ITFG2: variants seen among roughly 807,000 people sequenced by gnomAD.
ITFG2 encodes the protein integrin alpha FG-GAP repeat containing 2.
A neutral mutation model predicts 54.4 loss-of-function variants in ITFG2; 36 were observed. The ratio of observed to expected loss-of-function variants is 0.66; its 90% CI spans 0.51 to 0.87. ITFG2 has a LOEUF of 0.87. ITFG2 is among the 40% of genes least tolerant of loss of function. ITFG2 has a pLI of 0.00. For missense variants in ITFG2, 524 were observed against 576.7 expected (o/e 0.91, Z 0.94); for synonymous variants, 211 against 225.4 (o/e 0.94, Z 0.57).
intron 4 of ITFG2, chr12:2,818,515 A>G: frequency 1.5e-6 from 1 of 666,304 alleles, no homozygotes; most frequent in Non-Finnish European, 2.4e-6. Flanking sequence ...GAAACAATAT[A>G]GGCTAGGTGT....
At chr12:2,830,487 G>T in intron 2 of ITFG2, 2 of 494,030 alleles carry the variant, frequency 4.0e-6, no homozygotes, top group Non-Finnish European at 7.1e-6. Context: ...GACCAAGGAA[G>T]GGGGGCAGAG....
chr12:2,849,639 A>G, intron 2 of ITFG2: 2 of 1,228,526 alleles, frequency 1.6e-6, no homozygotes, highest in Non-Finnish European at 2.3e-6. Flanking sequence ...GTTAGCCATC[A>G]GGCGGCAGGG....
chr12:2,818,105 G>C lies in ITFG2; in HGVS notation c.235-1G>C, dbSNP rs2097928133. The C allele has an allele frequency of 6.2e-7, 1 of 1,613,950 alleles. No individual in the cohort carries two copies. The highest frequency in any genetic ancestry group is 8.5e-7 in the Non-Finnish European group (1 of 1,179,866). ...CTCTACTATACCTCTGTTTGTCCTA[G>C]AACCTGTTGGTGGCAGTGAGTGCTG... On this transcript the variant is annotated splice_acceptor_variant, in intron 3 of 11. Coordinates refer to ENST00000228799, the MANE Select transcript of ITFG2 (RefSeq NM_018463.4). LOFTEE classifies it high-confidence loss of function.
In ITFG2 at chr12:2,858,836, G is replaced by A. The variant is rs144897055; in HGVS notation, n.620+505G>A. On this transcript the variant is annotated intron_variant and non_coding_transcript_variant, in intron 3 of 3. Transcript: ENST00000537710. ...GCTCCGGGGAGCCTGGCTTGGGGACGTCTATATCTGAGGGAGAAGAGTTGC... is the reference window on the plus strand; with the variant it reads ...GCTCCGGGGAGCCTGGCTTGGGGACATCTATATCTGAGGGAGAAGAGTTGC... 378 of 1,614,172 alleles carry A rather than the reference G, an allele frequency of 2.3e-4. 2 individuals carry two copies. The highest frequency in any genetic ancestry group is 1.3e-3 in the South Asian group (119 of 91,084).
rs1049109887 is a variant in ITFG2 at position 2,819,912 on chromosome 12, A to C, written c.407-174A>C. The C allele has an allele frequency of 1.3e-5, 9 of 685,758 alleles. No individual in the cohort carries two copies. The Admixed American group carries it at 2.1e-4, about 16-fold the overall frequency. 42.5% of individuals were successfully genotyped at this position (685,758 alleles called of 1,614,324 possible). Reference sequence around the variant, plus strand: ...TAGGAGCTGCGGAACAGATGGACCAAATGGACGGGCAAGATGCCGCAAACA... The same window carrying C: ...TAGGAGCTGCGGAACAGATGGACCACATGGACGGGCAAGATGCCGCAAACA... On this transcript the variant is annotated intron_variant, in intron 4 of 11. Coordinates refer to ENST00000228799, the MANE Select transcript of ITFG2 (RefSeq NM_018463.4).
At chr12:2,828,529 G>C (rs892789276), downstream of ITFG2, 1 of 841,268 alleles carries the variant, frequency 1.2e-6, no homozygotes, top group Admixed American at 2.5e-5. Context: ...TGGAGAAAAT[G>C]AACTGTCTTT....
At chr12:2,833,874 G>A (rs73242879), upstream of ITFG2, among the ~76,000 whole-genome samples, 4,608 of 152,272 alleles carry the variant, frequency 0.03, 210 homozygotes, top group African/African-American at 0.1. Context: ...GCACAGAGAC[G>A]TAAAGTCAAT....
chr12:2,848,529 G>A (rs141462898), intron 2 of ITFG2, among the ~76,000 whole-genome samples: 5 of 152,210 alleles, frequency 3.3e-5, no homozygotes, highest in African/African-American at 4.8e-5. Context: ...TGGAGAGGCC[G>A]CTCTTTTACC....
chr12:2,821,697 C>T lies in ITFG2; in HGVS notation c.853C>T (p.Leu285=), dbSNP rs1308226603. Residue 285 remains leucine (L), a synonymous_variant, in exon 9 of 12, where the codon CTG becomes TTG. Coordinates refer to ENST00000228799, the MANE Select transcript of ITFG2 (RefSeq NM_018463.4). Reference sequence around the variant, plus strand: ...GCCTGCCTCTCCCCCGGCAGGGACACTGAAGCTCATGGAAGAAATGGAAGA... The same window carrying T: ...GCCTGCCTCTCCCCCGGCAGGGACATTGAAGCTCATGGAAGAAATGGAAGA... ...LFALCTLDGT[L]KLMEEMEEAD... is the part of the protein sequence containing the mutation. The T allele has an allele frequency of 1.2e-6, 2 of 1,614,132 alleles. No homozygotes were observed. Among genetic ancestry groups the T allele is most frequent in the Admixed American group, 1.7e-5 (1 of 60,022 alleles).
chr12:2,840,679 G>A (rs990394658), intron 1 of ITFG2, among the ~76,000 whole-genome samples: 20 of 152,108 alleles, frequency 1.3e-4, no homozygotes, highest in African/African-American at 4.6e-4. Context: ...CCAGCTACTC[G>A]GGAGGCTGAG....
chr12:2,829,693 G>A (rs527322539), downstream of ITFG2, among the ~76,000 whole-genome samples: 1 of 152,150 alleles, frequency 6.6e-6, no homozygotes, highest in African/African-American at 2.4e-5. Context: ...CTTGAGTCCA[G>A]GAGGTTGAGG....
chr12:2,834,564 G>T, upstream of ITFG2: 4 of 1,510,456 alleles, frequency 2.6e-6, no homozygotes, highest in African/African-American at 2.8e-5. Flanking sequence ...GCACTTTCTG[G>T]TCCTGCCTCC....
chr12:2,857,400 A>C (rs1478089782), intron 2 of ITFG2: 1 of 292,994 alleles, frequency 3.4e-6, no homozygotes, highest in African/African-American at 2.1e-5. Context: ...TTGTCTTATT[A>C]AGAACCCTCA....
intron 2 of ITFG2, chr12:2,849,354 G>T (rs534698503): frequency 1.3e-6 from 2 of 1,536,162 alleles, no homozygotes; most frequent in Admixed American, 2.0e-5. Flanking sequence ...CCCTTATGAG[G>T]TCCTGGCTCA....
At chr12:2,848,197 AAAG>A (rs959634871) in intron 2 of ITFG2, among the ~76,000 whole-genome samples, 3 of 152,190 alleles carry the variant, frequency 2.0e-5, no homozygotes, top group African/African-American at 7.2e-5. Flanking sequence ...AAATGGAGAC[AAAG>A]AAGGCCGTGG....
At chr12:2,828,439 T>C, downstream of ITFG2, 1 of 1,579,736 alleles carries the variant, frequency 6.3e-7, no homozygotes, top group Non-Finnish European at 8.7e-7. Context: ...TCGTGGTGAA[T>C]CAGTGAGTCC....
At chr12:2,853,165 G>A (rs1323075406) in intron 2 of ITFG2, among the ~76,000 whole-genome samples, 1 of 152,148 alleles carries the variant, frequency 6.6e-6, no homozygotes, top group Non-Finnish European at 1.5e-5. Context: ...CCTTTGCCAG[G>A]GTCAGCACCT....
chr12:2,816,330 C>CTTTT (rs34665036), intron 1 of ITFG2, among the ~76,000 whole-genome samples: 1 of 120,452 alleles, frequency 8.3e-6, no homozygotes, highest in Non-Finnish European at 1.7e-5. Context: ...CGCACACAGC[C>CTTTT]TTTTTTTTTT....
intron 1 of ITFG2, among the ~76,000 whole-genome samples, chr12:2,837,388 G>A (rs2098030992): frequency 6.6e-6 from 1 of 152,206 alleles, no homozygotes; most frequent in South Asian, 2.1e-4. Flanking sequence ...TGAGGCAGGA[G>A]AATGGCGTGA....
Sources: gnomAD v4.1 joint callset for allele counts (sites outside exome capture counted in the v4.1 genomes callset) on GRCh38, gnomAD v4.1.1 for gene constraint, MANE v1.5 for transcripts, NCBI Gene and HGNC (gene_info 2026-07-23, HGNC 2026-07-21) for gene names.